The following LRRFIP1 variants were observed in gnomAD, a reference collection of about 807,000 sequenced individuals.
LRRFIP1 encodes leucine-rich repeat flightless-interacting protein 1.
LRRFIP1 carries 62 observed loss-of-function variants against 104.4 expected under a neutral mutation model. The observed-to-expected ratio is 0.59, with a 90% CI of 0.48 to 0.73. The LOEUF (loss-of-function observed/expected upper bound fraction) is 0.73. LRRFIP1 is among the 30% of genes least tolerant of loss of function. The pLI, the probability that LRRFIP1 is intolerant of heterozygous loss-of-function variation, is 0.00. For missense variants in LRRFIP1, 796 were observed against 824.5 expected (o/e 0.97, Z 0.42); for synonymous variants, 300 against 299.0 (o/e 1.00, Z -0.03).
intron 11 of LRRFIP1, among the ~76,000 whole-genome samples, chr2:237,746,701 A>G (rs565933740): frequency 6.6e-5 from 10 of 152,242 alleles, no homozygotes; most frequent in Non-Finnish European, 1.3e-4. Context: ...CCACAGCTGG[A>G]GAGAGCCGTC....
chr2:237,720,069 C>T (rs1489091454), intron 5 of LRRFIP1, among the ~76,000 whole-genome samples: 1 of 151,148 alleles, frequency 6.6e-6, no homozygotes, highest in Non-Finnish European at 1.5e-5. Flanking sequence ...GTCTCAGCCT[C>T]CCAAGTAGCT....
intron 23 of LRRFIP1, among the ~76,000 whole-genome samples, chr2:237,777,131 A>C (rs999400405): frequency 5.3e-5 from 8 of 152,174 alleles, no homozygotes; most frequent in Admixed American, 2.0e-4. Flanking sequence ...CCTGGCATGC[A>C]CACCCTCACA....
chr2:237,736,253 G>A (rs778774601), intron 10 of LRRFIP1, among the ~76,000 whole-genome samples: 1 of 152,174 alleles, frequency 6.6e-6, no homozygotes, highest in East Asian at 1.9e-4. Context: ...CATAGCATTC[G>A]TTTTTGTCGA....
intron 19 of LRRFIP1, chr2:237,762,545 G>A: frequency 7.4e-7 from 1 of 1,356,582 alleles, no homozygotes; most frequent in Non-Finnish European, 1.0e-6. Context: ...ACATTCTAAT[G>A]TAGATTATGT....
chr2:237,685,789 C>T (rs956479801), intron 1 of LRRFIP1, among the ~76,000 whole-genome samples: 3 of 152,192 alleles, frequency 2.0e-5, no homozygotes, highest in African/African-American at 4.8e-5. Context: ...TCCTTAAAAA[C>T]CGACAAACCA....
chr2:237,687,017 G>A (rs919106460), intron 1 of LRRFIP1, among the ~76,000 whole-genome samples: 2 of 152,230 alleles, frequency 1.3e-5, no homozygotes, highest in Non-Finnish European at 2.9e-5. Flanking sequence ...TTGAGTCCAC[G>A]TGATGACTTT....
At chr2:237,681,694 T>TTTG (rs2091849110) in intron 1 of LRRFIP1, among the ~76,000 whole-genome samples, 1 of 92,578 alleles carries the variant, frequency 1.1e-5, no homozygotes, top group African/African-American at 3.7e-5. Context: ...TTTTTTTTTT[T>TTTG]TTTGAGACGG....
chr2:237,680,688 C>G (rs2091710023), intron 1 of LRRFIP1, among the ~76,000 whole-genome samples: 1 of 152,156 alleles, frequency 6.6e-6, no homozygotes, highest in African/African-American at 2.4e-5. Flanking sequence ...GAAAGCTTAA[C>G]AAATAGACTC....
intron 8 of LRRFIP1, 52 bp downstream of exon 8, chr2:237,727,987 C>A: frequency 7.7e-7 from 1 of 1,305,648 alleles, no homozygotes; most frequent in Non-Finnish European, 1.1e-6. Context: ...TGTTTCAAAG[C>A]TTCTAGAACT....
At chr2:237,708,703 A>G (rs2150023200) in intron 2 of LRRFIP1, 73 bp downstream of exon 2, 2 of 1,485,484 alleles carry the variant, frequency 1.3e-6, no homozygotes, top group South Asian at 2.4e-5. Flanking sequence ...AAGTGCAGGC[A>G]CCTGTTGCTG....
intron 15 of LRRFIP1, among the ~76,000 whole-genome samples, chr2:237,754,037 A>T (rs1288711163): frequency 6.6e-6 from 1 of 152,160 alleles, no homozygotes; most frequent in Non-Finnish European, 1.5e-5. Context: ...TGTAAACTGG[A>T]GACAGTTTTT....
rs377634644 is a variant in LRRFIP1, at chr2:237,679,865, C to T, written c.97-28679C>T. ...TCGGGTGATCCACCCGCCTCGGCCTCCCAAAGTGCTGGGATTACAGGCATG... is the reference window on the plus strand; with the variant it reads ...TCGGGTGATCCACCCGCCTCGGCCTTCCAAAGTGCTGGGATTACAGGCATG... On this transcript the variant is annotated intron_variant, in intron 1 of 23. Coordinates refer to ENST00000308482, the MANE Select transcript of LRRFIP1 (RefSeq NM_001137550.2). Among the ~76,000 whole-genome samples, 476 of 152,320 alleles carry T rather than the reference C, an allele frequency of 3.1e-3. 9 individuals are homozygous for T. In the East Asian group the frequency reaches 0.047, roughly 15 times the overall value.
chr2:237,747,902 C>G (rs946310740), intron 11 of LRRFIP1, among the ~76,000 whole-genome samples: 3 of 152,090 alleles, frequency 2.0e-5, no homozygotes, highest in African/African-American at 7.2e-5. Flanking sequence ...CCCTTCCCCC[C>G]ACCCAGTCCT....
chr2:237,666,801 TTCTTTC>T (rs2089403898), intron 1 of LRRFIP1, among the ~76,000 whole-genome samples: 1 of 21,176 alleles, frequency 4.7e-5, no homozygotes, highest in African/African-American at 1.3e-4. Context: ...CTCTTTCTCT[TTCTTTC>T]TCTTTCTTTC....
chr2:237,733,808 G>A lies in LRRFIP1; in HGVS notation c.479G>A (p.Gly160Glu), dbSNP rs759319210. 4 of 1,614,024 alleles carry A rather than the reference G, an allele frequency of 2.5e-6. No homozygotes were observed. In the South Asian group the frequency reaches 3.3e-5, roughly 13 times the overall value. Residue 160 changes from glycine (G) to glutamate (E), a missense_variant, in exon 9 of 24, where the codon GGG becomes GAG. Gly to Glu is a moderately conservative substitution (Grantham distance 98, BLOSUM62 -2). Transcript: ENST00000308482. ...SCLYSAARPS[G>E]SYRASVLDEG... ...CTGTACAGCGCTGCCCGGCCTTCGG[G>A]GAGTTACCGGGTGCGTGTGCTGCCC...
intron 19 of LRRFIP1, chr2:237,762,452 A>G: frequency 1.5e-6 from 1 of 679,012 alleles, no homozygotes; most frequent in Non-Finnish European, 2.4e-6. Flanking sequence ...TGCCGCACAG[A>G]ACTGGCAAAG....
At chr2:237,655,666 T>C (rs1482294442) in intron 1 of LRRFIP1, among the ~76,000 whole-genome samples, 2 of 152,216 alleles carry the variant, frequency 1.3e-5, no homozygotes, top group African/African-American at 2.4e-5. Context: ...CGTTTTGTGA[T>C]TGGATATATA....
intron 3 of LRRFIP1, among the ~76,000 whole-genome samples, chr2:237,715,113 A>G (rs1258310726): frequency 6.6e-6 from 1 of 152,236 alleles, no homozygotes; most frequent in Non-Finnish European, 1.5e-5. Flanking sequence ...CTCGGAATGC[A>G]CGGGCAGTAA....
Position 237,673,538 on chromosome 2 carries a change from G to A in LRRFIP1, c.97-35006G>A, listed in dbSNP as rs143538867. On this transcript the variant is annotated intron_variant, in intron 1 of 23. Coordinates refer to ENST00000308482, the MANE Select transcript of LRRFIP1 (RefSeq NM_001137550.2). ...GGGGTGGTTCCTCACAGTTACCCTC[G>A]CTGGGTGTGCGGTTGTCTGACATCA... Among the ~76,000 whole-genome samples the A allele has an allele frequency of 3.4e-3, 518 of 152,302 alleles. 9 individuals are homozygous for A. The East Asian group carries it at 0.047, about 14-fold the overall frequency.
Sources: gnomAD v4.1 joint callset for allele counts (sites outside exome capture counted in the v4.1 genomes callset) on GRCh38, gnomAD v4.1.1 for gene constraint, MANE v1.5 for transcripts, NCBI Gene and HGNC (gene_info 2026-07-23, HGNC 2026-07-21) for gene names.